The following SLCO1C1 variants were observed in gnomAD, a reference collection of about 807,000 sequenced individuals.
SLCO1C1 encodes the protein OAT-RP-5.
In SLCO1C1, 70 loss-of-function variants were observed where a neutral mutation model predicts 76.4. The observed-to-expected ratio is 0.92, with a 90% confidence interval of 0.76 to 1.12. The LOEUF is 1.12. Ranked by LOEUF, SLCO1C1 falls within the 50% of genes most tolerant of loss-of-function variation. SLCO1C1 has a pLI of 0.00. For synonymous variants in SLCO1C1, 306 were observed against 286.1 expected, an observed-to-expected ratio of 1.07 and a Z score of -0.70; for missense variants, 912 against 823.8, an observed-to-expected ratio of 1.11 and a Z score of -1.31.
At chr12:20,697,957 C>T (rs1946339619) in intron 1 of SLCO1C1, among the ~76,000 whole-genome samples, 3 of 152,038 alleles carry the variant, frequency 2.0e-5, no homozygotes, top group Admixed American at 2.0e-4. Context: ...TGATAAAGCA[C>T]TTCTGGTGCA....
intron 13 of SLCO1C1, among the ~76,000 whole-genome samples, chr12:20,744,503 A>G (rs1319099961): frequency 6.6e-6 from 1 of 152,122 alleles, no homozygotes; most frequent in Non-Finnish European, 1.5e-5. Flanking sequence ...CAAAGTAGAA[A>G]AATGAGCAAA....
rs1166098845 is a variant in SLCO1C1 at position 20,721,983 on chromosome 12, A to G, written c.955A>G (p.Ile319Val). The G allele has an allele frequency of 1.2e-6, 2 of 1,614,170 alleles. No homozygotes were observed. The highest frequency in any genetic ancestry group is 1.7e-6 in the Non-Finnish European group (2 of 1,180,010). ...TTCCTCTGAGAAATCCAAGTTTATT[A>G]TAGATGATCACACAGACTACCAAAC... ...NSSSEKSKFI[I>V]DDHTDYQTPQ... Residue 319 changes from isoleucine (I) to valine (V), a missense_variant, in exon 8 of 15, where the codon ATA becomes GTA. Ile to Val is a conservative substitution (Grantham distance 29, BLOSUM62 3). Transcript: ENST00000266509.
chr12:20,751,920 G>A (rs917994560), intron 14 of SLCO1C1, among the ~76,000 whole-genome samples: 1 of 152,058 alleles, frequency 6.6e-6, no homozygotes, highest in African/African-American at 2.4e-5. Flanking sequence ...TGAGGATAGG[G>A]TAGCCACATA....
At chr12:20,743,716 T>C (rs1413496341) in intron 13 of SLCO1C1, among the ~76,000 whole-genome samples, 1 of 116,568 alleles carries the variant, frequency 8.6e-6, no homozygotes, top group Non-Finnish European at 2.1e-5. Context: ...TAAGAAAGGC[T>C]GAAGCCTAAA....
chr12:20,745,351 A>G (rs1375045496), intron 13 of SLCO1C1, among the ~76,000 whole-genome samples: 2 of 152,108 alleles, frequency 1.3e-5, no homozygotes. Context: ...TAAATGCCTT[A>G]AAAAATAAAA....
At chr12:20,749,185 T>C (rs1246006537) in intron 13 of SLCO1C1, among the ~76,000 whole-genome samples, 1 of 152,206 alleles carries the variant, frequency 6.6e-6, no homozygotes, top group African/African-American at 2.4e-5. Context: ...TAAATATTCT[T>C]AGATGACTTT....
At chr12:20,706,154 A>AT (rs1169352875) in intron 4 of SLCO1C1, 73 bp downstream of exon 4, 1 of 1,493,036 alleles carries the variant, frequency 6.7e-7, no homozygotes, top group African/African-American at 1.4e-5. Flanking sequence ...ATGATTATTA[A>AT]TTATGCAAAT....
intron 1 of SLCO1C1, among the ~76,000 whole-genome samples, chr12:20,698,592 G>A (rs1946374697): frequency 6.6e-6 from 1 of 152,036 alleles, no homozygotes; most frequent in Non-Finnish European, 1.5e-5. Flanking sequence ...TACTCAGTCA[G>A]AATAGATTTC....
At chr12:20,740,501 A>C (rs1948753503) in intron 12 of SLCO1C1, 133 bp downstream of exon 12, 1 of 752,460 alleles carries the variant, frequency 1.3e-6, no homozygotes, top group African/African-American at 1.8e-5. Flanking sequence ...TCCTTGTTTC[A>C]CTTTTATATA....
At chr12:20,739,917 G>T (rs901629811) in intron 11 of SLCO1C1, among the ~76,000 whole-genome samples, 2 of 152,168 alleles carry the variant, frequency 1.3e-5, no homozygotes, top group Admixed American at 1.3e-4. Flanking sequence ...AGCGAAGGAG[G>T]TAAGGTATGG....
intron 1 of SLCO1C1, 60 bp from the exon 2 acceptor site, chr12:20,699,492 A>C (rs1470599109): frequency 5.1e-6 from 7 of 1,376,094 alleles, no homozygotes; most frequent in Non-Finnish European, 6.7e-6. Flanking sequence ...TGTTGAATAA[A>C]AAAATTTAAT....
rs1226978063 is a variant in SLCO1C1, at chr12:20,740,167, T to C, written c.1549-17T>C. 6.3e-6 allele frequency: 10 copies of C among 1,590,276 alleles called. No individual in the cohort carries two copies. Among genetic ancestry groups the C allele is most frequent in the Non-Finnish European group, 8.5e-6 (10 of 1,170,888 alleles). On this transcript the variant is annotated splice_polypyrimidine_tract_variant and intron_variant, in intron 11 of 14. Transcript: ENST00000266509. ...AATGTTACTGAAATAATTGGACTTT[T>C]CCCTATCGTGTTACAGATATTTTAC... is the stretch of plus-strand genomic sequence containing the variant.
chr12:20,735,885 G>T (rs1387941330), intron 10 of SLCO1C1, among the ~76,000 whole-genome samples: 1 of 152,096 alleles, frequency 6.6e-6, no homozygotes, highest in African/African-American at 2.4e-5. Flanking sequence ...AATTATTCCT[G>T]GTTCTGGACA....
chr12:20,715,376 C>A (rs893325043), intron 6 of SLCO1C1, 91 bp downstream of exon 6: 3 of 1,385,356 alleles, frequency 2.2e-6, no homozygotes, highest in African/African-American at 2.9e-5. Flanking sequence ...AGTGGGGAAG[C>A]TTTTTATACT....
intron 9 of SLCO1C1, among the ~76,000 whole-genome samples, chr12:20,724,435 ATATATATATATATATATGTG>A (rs1481904958): frequency 3.0e-4 from 38 of 128,808 alleles, no homozygotes; most frequent in Middle Eastern, 4.4e-3. Context: ...ATATATATAT[ATATATATATATATATATGTG>A]TGTGTGTGTG....
chr12:20,721,946 G>A lies in SLCO1C1; in HGVS notation c.918G>A (p.Glu306=). 6.2e-7 allele frequency: 1 copy of A among 1,614,062 alleles called. No homozygotes were observed. Among genetic ancestry groups the A allele is most frequent in the South Asian group, 1.1e-5 (1 of 91,082 alleles). The change falls in exon 8 of 15, where the codon GAG becomes GAA. Residue 306 remains glutamate (E), a synonymous_variant. Transcript: ENST00000266509. ...PKSLPRSQSR[E]DSNSSSEKSK... ...GTTTACCAAGATCCCAAAGTAGAGA[G>A]GATTCTAATTCTTCCTCTGAGAAAT... is the stretch of plus-strand genomic sequence containing the variant.
At chr12:20,736,891 T>C (rs1222165816) in intron 10 of SLCO1C1, among the ~76,000 whole-genome samples, 6 of 152,204 alleles carry the variant, frequency 3.9e-5, no homozygotes, top group African/African-American at 1.4e-4. Flanking sequence ...TCATGTGAAT[T>C]TGTAAACCTC....
intron 8 of SLCO1C1, among the ~76,000 whole-genome samples, chr12:20,722,653 T>A (rs1947735478): frequency 6.6e-6 from 1 of 152,194 alleles, no homozygotes; most frequent in Non-Finnish European, 1.5e-5. Context: ...AAAATTCATA[T>A]ATTAAATGGA....
At chr12:20,718,747 C>T (rs1160159375) in intron 7 of SLCO1C1, among the ~76,000 whole-genome samples, 1 of 152,036 alleles carries the variant, frequency 6.6e-6, no homozygotes, top group African/African-American at 2.4e-5. Context: ...CAAAATTCTC[C>T]CCATGGGTTG....
Sources: gnomAD v4.1 joint callset for allele counts (sites outside exome capture counted in the v4.1 genomes callset) on GRCh38, gnomAD v4.1.1 for gene constraint, MANE v1.5 for transcripts, NCBI Gene and HGNC (gene_info 2026-07-23, HGNC 2026-07-21) for gene names.